Variants in PRDM16 observed in about 807,000 individuals in gnomAD.
The protein encoded by PRDM16 is PR/SET domain 16, also known as histone-lysine N-methyltransferase PRDM16.
A neutral mutation model predicts 110.6 loss-of-function variants in PRDM16; 23 were observed. The observed-to-expected ratio is 0.21, with a 90% CI of 0.15 to 0.29. The LOEUF is 0.29. Among genes scored for constraint, PRDM16 ranks in the 10% least tolerant of loss-of-function variants. PRDM16 has a pLI of 1.00. For synonymous variants in PRDM16, 799 were observed against 781.8 expected, an observed-to-expected ratio of 1.02 and a Z score of -0.37; for missense variants, 1,615 against 1,794.3, an observed-to-expected ratio of 0.90 and a Z score of 1.81.
At chr1:3,269,799 G>GGACAGTT (rs1640392162) in intron 3 of PRDM16, among the ~76,000 whole-genome samples, 1 of 150,126 alleles carries the variant, frequency 6.7e-6, no homozygotes, top group African/African-American at 2.4e-5. Context: ...TCTCAGAGGA[G>GGACAGTT]GACAGTCCCA....
rs371359627 is a variant in PRDM16, at chr1:3,432,607, G to A, written c.3696+467G>A. 7.7e-4 allele frequency among the ~76,000 whole-genome samples: 117 copies of A among 152,284 alleles called. 3 individuals carry two copies. The South Asian group carries it at 0.024, about 31-fold the overall frequency. Reference sequence around the variant, plus strand: ...AGGGTTTTGGCCCCAGGCGCTTCTCGGCTTCTCTCCTCAGGGTAGGTGGCC... The same window carrying A: ...AGGGTTTTGGCCCCAGGCGCTTCTCAGCTTCTCTCCTCAGGGTAGGTGGCC... On this transcript the variant is annotated intron_variant, in intron 16 of 16. Transcript: ENST00000270722.
intron 1 of PRDM16, among the ~76,000 whole-genome samples, chr1:3,100,632 C>T (rs531217603): frequency 1.3e-5 from 2 of 152,184 alleles, no homozygotes; most frequent in African/African-American, 2.4e-5. Context: ...GGGCATTTGA[C>T]GCTGCCGCCT....
At chr1:3,372,807 C>T (rs1298802840) in intron 3 of PRDM16, among the ~76,000 whole-genome samples, 1 of 152,186 alleles carries the variant, frequency 6.6e-6, no homozygotes, top group Non-Finnish European at 1.5e-5. Context: ...CACAGCTGCC[C>T]CAGATCCCAC....
At chr1:3,120,828 C>G (rs910081710) in intron 1 of PRDM16, among the ~76,000 whole-genome samples, 1 of 152,146 alleles carries the variant, frequency 6.6e-6, no homozygotes, top group African/African-American at 2.4e-5. Context: ...GGCTGCCGGC[C>G]CCAGAAAGAA....
chr1:3,298,002 A>G (rs1032232283), intron 3 of PRDM16, among the ~76,000 whole-genome samples: 1 of 135,588 alleles, frequency 7.4e-6, no homozygotes, highest in African/African-American at 3.8e-5. Context: ...CCGCAGGGGA[A>G]GGCTCTGCAG....
chr1:3,247,426 G>A (rs1168101477), intron 3 of PRDM16, among the ~76,000 whole-genome samples: 2 of 152,220 alleles, frequency 1.3e-5, no homozygotes, highest in Non-Finnish European at 2.9e-5. Flanking sequence ...CGGGCCGAGG[G>A]TTGTATGGAG....
Position 3,358,534 on chromosome 1 carries a change from C to T in PRDM16, c.439-26618C>T, listed in dbSNP as rs767530164. Among the ~76,000 whole-genome samples, 3 of 152,172 alleles carry T rather than the reference C, an allele frequency of 2.0e-5. No homozygotes were observed. The highest frequency in any genetic ancestry group is 4.4e-5 in the Non-Finnish European group (3 of 68,046). ...AATAAGGTTCCAGTGTTCCCTTTCC[C>T]GTCACCAGGCAGAGCCCCGAATTCT... On this transcript the variant is annotated intron_variant, in intron 3 of 16. Transcript: ENST00000270722. This position sits in a 1 kb window ranked among gnomAD's most constrained non-coding sequence, Gnocchi z 4.0.
intron 1 of PRDM16, among the ~76,000 whole-genome samples, chr1:3,158,902 G>A (rs1643878326): frequency 6.6e-6 from 1 of 151,848 alleles, no homozygotes; most frequent in Non-Finnish European, 1.5e-5. Flanking sequence ...AACCTCCCGA[G>A]TAGCTGGAAG....
At chr1:3,277,966 C>T (rs1393725254) in intron 3 of PRDM16, among the ~76,000 whole-genome samples, 1 of 152,212 alleles carries the variant, frequency 6.6e-6, no homozygotes, top group Non-Finnish European at 1.5e-5. Context: ...TCCGGGAGCT[C>T]TAGGTCAGCG....
intron 1 of PRDM16, among the ~76,000 whole-genome samples, chr1:3,142,177 G>T (rs1344888579): frequency 6.6e-6 from 1 of 152,246 alleles, no homozygotes; most frequent in Admixed American, 6.5e-5. Flanking sequence ...CCAGGAAGAG[G>T]TTGGGGCCAG....
At chr1:3,155,407 T>C (rs1229713291) in intron 1 of PRDM16, among the ~76,000 whole-genome samples, 1 of 152,236 alleles carries the variant, frequency 6.6e-6, no homozygotes, top group Non-Finnish European at 1.5e-5. Context: ...TGCGGTGTTA[T>C]TGCCCTGTTA....
chr1:3,276,268 G>A lies in PRDM16; in HGVS notation c.438+32131G>A, dbSNP rs540241051. On this transcript the variant is annotated intron_variant, in intron 3 of 16. Coordinates refer to ENST00000270722, the MANE Select transcript of PRDM16 (RefSeq NM_022114.4). ...TGCCCTGGGCAGCCCCCCGGCCCCC[G>A]CCATCCTCGCCAGGCCTGCCATTGG... 3.9e-5 allele frequency among the ~76,000 whole-genome samples: 6 copies of A among 152,298 alleles called. No homozygotes were observed. In the South Asian group the frequency reaches 1.2e-3, roughly 32 times the overall value.
intron 3 of PRDM16, among the ~76,000 whole-genome samples, chr1:3,380,039 C>T (rs1569623719): frequency 6.9e-6 from 1 of 145,968 alleles, no homozygotes; most frequent in South Asian, 2.3e-4. Context: ...ATGCACCCCT[C>T]CCAACACATT....
At chr1:3,193,648 G>T (rs895475382) in intron 2 of PRDM16, among the ~76,000 whole-genome samples, 9 of 152,154 alleles carry the variant, frequency 5.9e-5, no homozygotes, top group African/African-American at 2.2e-4. Context: ...TGAGAAGTGC[G>T]CCCACCCAGC....
intron 3 of PRDM16, among the ~76,000 whole-genome samples, chr1:3,321,457 G>T (rs1219529937): frequency 6.6e-6 from 1 of 150,976 alleles, no homozygotes; most frequent in African/African-American, 2.4e-5. Context: ...TTTGTGGGGG[G>T]CACATGTGTG....
At chr1:3,120,876 A>G (rs771605017) in intron 1 of PRDM16, among the ~76,000 whole-genome samples, 8 of 152,336 alleles carry the variant, frequency 5.3e-5, no homozygotes, top group Non-Finnish European at 1.0e-4. Context: ...AGGGATTTGC[A>G]GAGACTTGTT....
intron 3 of PRDM16, among the ~76,000 whole-genome samples, chr1:3,325,961 C>CCT: frequency 6.8e-6 from 1 of 146,922 alleles, no homozygotes; most frequent in Non-Finnish European, 1.5e-5. Context: ...CCTCGACGAT[C>CCT]CTTGGTCCTC....
At chr1:3,185,527 G>C (rs1477726062) in intron 1 of PRDM16, among the ~76,000 whole-genome samples, 1 of 152,014 alleles carries the variant, frequency 6.6e-6, no homozygotes, top group Admixed American at 6.5e-5. Flanking sequence ...GGGATGTCCA[G>C]CCTGCGGCCC....
At chr1:3,236,580 C>T (rs971601958) in intron 2 of PRDM16, among the ~76,000 whole-genome samples, 14 of 152,028 alleles carry the variant, frequency 9.2e-5, no homozygotes, top group Non-Finnish European at 1.8e-4. Flanking sequence ...CTGGGTGACC[C>T]GGGCTGGGGG....
Sources: allele counts gnomAD v4.1 joint callset (sites outside exome capture counted in the v4.1 genomes callset), GRCh38; gene constraint gnomAD v4.1.1; non-coding constraint Gnocchi (gnomAD v3.1); transcripts MANE v1.5; gene names NCBI Gene and HGNC (gene_info 2026-07-23, HGNC 2026-07-21).